The following CCSER1 variants were observed in gnomAD, a reference collection of about 807,000 sequenced individuals.
CCSER1 encodes coiled-coil serine rich protein 1.
In CCSER1, 41 loss-of-function variants were observed where a neutral mutation model predicts 82.0. The ratio of observed to expected loss-of-function variants is 0.50; its 90% confidence interval spans 0.39 to 0.65. CCSER1 has a LOEUF of 0.65. Among genes scored for constraint, CCSER1 ranks in the 30% least tolerant of loss-of-function variants. The pLI is 0.00. For synonymous variants in CCSER1, 414 were observed against 383.9 expected, an observed-to-expected ratio of 1.08 and a Z score of -0.92; for missense variants, 1,119 against 1,064.2, an observed-to-expected ratio of 1.05 and a Z score of -0.72.
chr4:91,023,930 G>A (rs746747707), intron 9 of CCSER1, among the ~76,000 whole-genome samples: 13 of 152,140 alleles, frequency 8.5e-5, no homozygotes, highest in Non-Finnish European at 1.3e-4. Flanking sequence ...CTGAAACTGG[G>A]TAATTTATAA....
chr4:91,220,847 T>C (rs1737673929), intron 10 of CCSER1, among the ~76,000 whole-genome samples: 1 of 152,176 alleles, frequency 6.6e-6, no homozygotes, highest in Non-Finnish European at 1.5e-5. Flanking sequence ...TAGTAAGCAC[T>C]TCACTATATA....
chr4:90,892,057 T>C (rs1723037354), intron 8 of CCSER1, among the ~76,000 whole-genome samples: 1 of 152,104 alleles, frequency 6.6e-6, no homozygotes, highest in South Asian at 2.1e-4. Flanking sequence ...TTAATGTGCA[T>C]CATCCAGCAA....
intron 10 of CCSER1, among the ~76,000 whole-genome samples, chr4:91,533,349 TCC>T: frequency 6.6e-6 from 1 of 152,184 alleles, no homozygotes; most frequent in Non-Finnish European, 1.5e-5. Flanking sequence ...CCATAAGTTT[TCC>T]TATGATTACA....
intron 10 of CCSER1, among the ~76,000 whole-genome samples, chr4:91,310,920 C>T (rs1041945042): frequency 2.0e-4 from 31 of 151,790 alleles, no homozygotes; most frequent in African/African-American, 6.5e-4. Flanking sequence ...GACAATTCTT[C>T]CAATGTGGCC....
At chr4:90,181,705 A>C (rs1053258873) in intron 1 of CCSER1, among the ~76,000 whole-genome samples, 1 of 152,170 alleles carries the variant, frequency 6.6e-6, no homozygotes, top group Admixed American at 6.6e-5. Flanking sequence ...TAAATTTCCC[A>C]GTAATTGCCA....
chr4:90,730,338 G>C (rs111304314), intron 7 of CCSER1, among the ~76,000 whole-genome samples: 2 of 151,904 alleles, frequency 1.3e-5, no homozygotes. Flanking sequence ...ATTAGAAATC[G>C]CTTTTTTAAT....
chr4:91,286,430 C>T (rs1353549931), intron 10 of CCSER1, among the ~76,000 whole-genome samples: 1 of 151,752 alleles, frequency 6.6e-6, no homozygotes, highest in East Asian at 1.9e-4. Context: ...GCTACTAGTA[C>T]ATTTTTATTT....
chr4:90,467,109 C>T lies in CCSER1; in HGVS notation c.1604-1125C>T, dbSNP rs185598825. Among the ~76,000 whole-genome samples the T allele has an allele frequency of 1.5e-4, 23 of 152,174 alleles. No homozygotes were observed. The East Asian group carries it at 2.1e-3, about 14-fold the overall frequency. On this transcript the variant is annotated intron_variant, in intron 4 of 10. Transcript: ENST00000509176. The stretch of plus-strand genomic sequence containing the variant: ...AACACATAAAAGAATATGCGTGGGC[C>T]GGGTGCAGTGGCTCATGTCTGTAAT...
intron 10 of CCSER1, among the ~76,000 whole-genome samples, chr4:91,507,531 C>A (rs534502640): frequency 2.2e-4 from 34 of 152,022 alleles, no homozygotes; most frequent in African/African-American, 8.0e-4. Flanking sequence ...GGGGTTCACG[C>A]CATTCTCCTG....
intron 1 of CCSER1, among the ~76,000 whole-genome samples, chr4:90,155,719 TC>T (rs533225607): frequency 4.0e-4 from 60 of 150,610 alleles, no homozygotes; most frequent in African/African-American, 1.4e-3. Context: ...TGGGATCGTA[TC>T]CCCTTTATCA....
chr4:91,195,810 A>G (rs1027277733), intron 10 of CCSER1, among the ~76,000 whole-genome samples: 2 of 152,152 alleles, frequency 1.3e-5, no homozygotes, highest in Non-Finnish European at 2.9e-5. Flanking sequence ...CAGTCTTCAG[A>G]CGCCTTTGTT....
chr4:91,464,329 G>A (rs1756721129), intron 10 of CCSER1, among the ~76,000 whole-genome samples: 1 of 152,162 alleles, frequency 6.6e-6, no homozygotes, highest in African/African-American at 2.4e-5. Flanking sequence ...CAAAAGGCCT[G>A]CCCTACAAGA....
intron 3 of CCSER1, among the ~76,000 whole-genome samples, chr4:90,334,852 A>G (rs1046803894): frequency 2.0e-5 from 3 of 152,186 alleles, no homozygotes; most frequent in Non-Finnish European, 2.9e-5. Context: ...ACCACAATTT[A>G]TTAGTGACTG....
chr4:90,869,744 G>A (rs1012424735), intron 8 of CCSER1, among the ~76,000 whole-genome samples: 1 of 151,384 alleles, frequency 6.6e-6, no homozygotes, highest in African/African-American at 2.4e-5. Flanking sequence ...TCAGTGGAAG[G>A]TCATCGGTAT....
chr4:90,231,611 GT>G (rs1314730184), intron 1 of CCSER1, among the ~76,000 whole-genome samples: 1 of 146,882 alleles, frequency 6.8e-6, no homozygotes, highest in Non-Finnish European at 1.5e-5. Flanking sequence ...AGTGTTGGAA[GT>G]TCTGGCCAGG....
chr4:90,156,068 T>C (rs1728080027), intron 1 of CCSER1, among the ~76,000 whole-genome samples: 1 of 152,222 alleles, frequency 6.6e-6, no homozygotes, highest in Admixed American at 6.5e-5. Flanking sequence ...TTCTGGTGTG[T>C]TGTGTCTTTG....
intron 10 of CCSER1, among the ~76,000 whole-genome samples, chr4:91,386,829 A>G (rs945478999): frequency 3.9e-5 from 6 of 152,050 alleles, no homozygotes; most frequent in Non-Finnish European, 8.8e-5. Context: ...CAAACACCAG[A>G]CAAACTCAAA....
intron 1 of CCSER1, among the ~76,000 whole-genome samples, chr4:90,131,027 C>T (rs186305961): frequency 7.3e-5 from 11 of 149,958 alleles, no homozygotes; most frequent in Admixed American, 2.6e-4. Context: ...GATGGAGTTT[C>T]GTTCTTGTCG....
At chr4:91,157,428 G>A (rs1366686433) in intron 10 of CCSER1, among the ~76,000 whole-genome samples, 1 of 151,756 alleles carries the variant, frequency 6.6e-6, no homozygotes, top group Non-Finnish European at 1.5e-5. Context: ...TAATTATTTT[G>A]TTATTAGAGT....
Sources: allele counts gnomAD v4.1 joint callset (sites outside exome capture counted in the v4.1 genomes callset), GRCh38; gene constraint gnomAD v4.1.1; transcripts MANE v1.5; gene names NCBI Gene and HGNC (gene_info 2026-07-23, HGNC 2026-07-21).